The following ATP9B variants were observed in gnomAD, a reference collection of about 807,000 sequenced individuals.
The protein encoded by ATP9B is probable phospholipid-transporting ATPase IIB.
Under a neutral mutation model 146.1 loss-of-function variants are expected in ATP9B, and 110 were observed. The observed-to-expected ratio is 0.75, with a 90% confidence interval of 0.65 to 0.88. The LOEUF is 0.88. Among genes scored for constraint, ATP9B ranks in the 40% least tolerant of loss-of-function variants. The pLI is 0.00. For synonymous variants in ATP9B, 604 were observed against 569.7 expected (o/e 1.06, Z -0.86); for missense variants, 1,499 against 1,496.4 (o/e 1.00, Z -0.03).
At chr18:79,315,390 C>A (rs1448232823) in intron 15 of ATP9B, among the ~76,000 whole-genome samples, 4 of 152,248 alleles carry the variant, frequency 2.6e-5, no homozygotes, top group Non-Finnish European at 5.9e-5. Context: ...TACTACGTAG[C>A]CTATCTGTGA....
intron 15 of ATP9B, among the ~76,000 whole-genome samples, chr18:79,316,674 C>T (rs1378322219): frequency 6.6e-6 from 1 of 152,062 alleles, no homozygotes. Context: ...GGTACCCTCA[C>T]CAGATGCCAT....
chr18:79,199,789 G>GACAC (rs374554863), intron 9 of ATP9B, among the ~76,000 whole-genome samples: 2 of 149,148 alleles, frequency 1.3e-5, no homozygotes, highest in Non-Finnish European at 3.0e-5. Flanking sequence ...GAAAAATGCA[G>GACAC]ACACACACAC....
At chr18:79,153,276 GA>G (rs1376789101) in intron 6 of ATP9B, among the ~76,000 whole-genome samples, 1 of 152,166 alleles carries the variant, frequency 6.6e-6, no homozygotes, top group Non-Finnish European at 1.5e-5. Flanking sequence ...TCTTTAGACT[GA>G]TATAGCTTTC....
At chr18:79,175,569 CAT>C (rs2095152013) in intron 7 of ATP9B, among the ~76,000 whole-genome samples, 1 of 152,330 alleles carries the variant, frequency 6.6e-6, no homozygotes, top group Admixed American at 6.5e-5. Context: ...CATGCCCTCA[CAT>C]CTGTCACACA....
chr18:79,368,515 C>T (rs995507038), intron 26 of ATP9B, among the ~76,000 whole-genome samples: 1 of 152,186 alleles, frequency 6.6e-6, no homozygotes, highest in Non-Finnish European at 1.5e-5. Flanking sequence ...GCAAGTCCAC[C>T]TTTAGGTGCA....
At chr18:79,193,363 A>G (rs2095387602) in intron 9 of ATP9B, 100 bp downstream of exon 9, 3 of 1,033,570 alleles carry the variant, frequency 2.9e-6, no homozygotes, top group Non-Finnish European at 4.4e-6. Flanking sequence ...ATTCAAACAG[A>G]AGTTTCAAAC....
intron 9 of ATP9B, among the ~76,000 whole-genome samples, chr18:79,197,231 T>C (rs2095425145): frequency 6.6e-6 from 1 of 152,152 alleles, no homozygotes; most frequent in African/African-American, 2.4e-5. Context: ...TTTTGTATCA[T>C]AGGAGAAATA....
At chr18:79,072,962 G>C (rs1254337801) in intron 1 of ATP9B, among the ~76,000 whole-genome samples, 3 of 150,030 alleles carry the variant, frequency 2.0e-5, no homozygotes, top group East Asian at 3.9e-4. Context: ...ATGGGCGGCC[G>C]GGCAGAGACG....
At chr18:79,165,590 T>A (rs1283810916) in intron 7 of ATP9B, among the ~76,000 whole-genome samples, 3 of 152,330 alleles carry the variant, frequency 2.0e-5, no homozygotes, top group Admixed American at 2.0e-4. Flanking sequence ...GGAATACTTG[T>A]TTTAATATTT....
chr18:79,073,720 A>T (rs561734156), intron 1 of ATP9B, among the ~76,000 whole-genome samples: 1 of 152,310 alleles, frequency 6.6e-6, no homozygotes, highest in East Asian at 1.9e-4. Context: ...TTACTCTGTT[A>T]TCTCCACTCT....
intron 14 of ATP9B, among the ~76,000 whole-genome samples, chr18:79,304,928 C>T (rs949444066): frequency 6.6e-6 from 1 of 152,232 alleles, no homozygotes; most frequent in Non-Finnish European, 1.5e-5. Flanking sequence ...TAGTGATCCA[C>T]ATAATAATGA....
chr18:79,254,830 C>T (rs890843557), intron 12 of ATP9B: 3 of 152,608 alleles, frequency 2.0e-5, no homozygotes, highest in Non-Finnish European at 4.4e-5. Flanking sequence ...TCTTGTCACT[C>T]GGCTCTTACC....
chr18:79,243,055 T>C (rs906165322), intron 11 of ATP9B, among the ~76,000 whole-genome samples: 2 of 152,262 alleles, frequency 1.3e-5, no homozygotes, highest in Non-Finnish European at 2.9e-5. Context: ...ATTAGACTGC[T>C]ATAACTATCC....
At chr18:79,223,570 A>G (rs1423957325) in intron 11 of ATP9B, among the ~76,000 whole-genome samples, 1 of 152,192 alleles carries the variant, frequency 6.6e-6, no homozygotes, top group Admixed American at 6.5e-5. Context: ...ATATTCACAA[A>G]TCATAGTGTT....
intron 12 of ATP9B, among the ~76,000 whole-genome samples, chr18:79,259,129 T>G (rs2096114420): frequency 1.3e-5 from 2 of 152,220 alleles, no homozygotes; most frequent in Admixed American, 6.5e-5. Flanking sequence ...AAGTAAAATA[T>G]TTTGAGCTAC....
chr18:79,077,472 T>C (rs2072755676), intron 1 of ATP9B, among the ~76,000 whole-genome samples: 1 of 152,216 alleles, frequency 6.6e-6, no homozygotes. Flanking sequence ...TGGGTGGTGT[T>C]ACCTTTTAGA....
intron 23 of ATP9B, among the ~76,000 whole-genome samples, chr18:79,347,554 A>G (rs765476002): frequency 9.2e-5 from 14 of 152,228 alleles, no homozygotes; most frequent in Non-Finnish European, 1.5e-4. Context: ...GCTCTCCTGA[A>G]GCACTTGTGA....
intron 19 of ATP9B, among the ~76,000 whole-genome samples, chr18:79,338,142 A>G (rs1395078350): frequency 6.6e-6 from 1 of 152,204 alleles, no homozygotes; most frequent in African/African-American, 2.4e-5. Context: ...CGTGCACTAC[A>G]TCTGTTCATT....
rs147316668 is a variant in ATP9B, at chr18:79,157,396, CAAAAAAAAA to C, written c.778+2861_778+2869del. 5.1e-3 allele frequency among the ~76,000 whole-genome samples: 249 copies of C among 48,610 alleles called. 2 individuals are homozygous for C. In the South Asian group the frequency reaches 0.091, roughly 18 times the overall value. The allele number at this position is 48,610 out of a possible 152,430, so 31.9% of individuals were successfully genotyped here. ...GGGTGACGAGAGTGAAACTCCATCTCAAAAAAAAAAAAAAAAAAAAAAAAAAAACATGTA... is the reference window on the plus strand; with the variant it reads ...GGGTGACGAGAGTGAAACTCCATCTCAAAAAAAAAAAAAAAAAAACATGTA... On this transcript the variant is annotated intron_variant, in intron 7 of 29. Coordinates refer to ENST00000426216, the MANE Select transcript of ATP9B (RefSeq NM_198531.5).
Sources: gnomAD v4.1 joint callset for allele counts (sites outside exome capture counted in the v4.1 genomes callset) on GRCh38, gnomAD v4.1.1 for gene constraint, MANE v1.5 for transcripts, NCBI Gene and HGNC (gene_info 2026-07-23, HGNC 2026-07-21) for gene names.